Variants in TACC2 observed in about 807,000 individuals in gnomAD.
TACC2 encodes the protein transforming acidic coiled-coil-containing protein 2.
Under a neutral mutation model 227.3 loss-of-function variants are expected in TACC2, and 137 were observed. The ratio of observed to expected loss-of-function variants is 0.60; its 90% CI spans 0.52 to 0.69. The LOEUF is 0.69. Among genes scored for constraint, TACC2 ranks in the 30% least tolerant of loss-of-function variants. TACC2 has a pLI of 0.00. For missense variants in TACC2, 3,470 were observed against 3,694.4 expected, an observed-to-expected ratio of 0.94 and a Z score of 1.57; for synonymous variants, 1,523 against 1,487.5, an observed-to-expected ratio of 1.02 and a Z score of -0.55.
At chr10:122,065,948 A>G (rs1426624931) in intron 3 of TACC2, among the ~76,000 whole-genome samples, 2 of 152,204 alleles carry the variant, frequency 1.3e-5, no homozygotes, top group Non-Finnish European at 2.9e-5. Flanking sequence ...TAATATAGAC[A>G]CAACAGCCTG....
rs745566133 is a variant in TACC2 at position 122,216,776 on chromosome 10, C to G, written c.7494C>G (p.Pro2498=). 3 of 1,614,012 alleles carry G rather than the reference C, an allele frequency of 1.9e-6. No homozygotes were observed. The highest frequency in any genetic ancestry group is 2.5e-6 in the Non-Finnish European group (3 of 1,180,034). The change falls in exon 11 of 23, where the codon CCC becomes CCG. Residue 2498 remains proline, a synonymous_variant. Coordinates refer to ENST00000369005, the MANE Select transcript of TACC2 (RefSeq NM_206862.4). ...LEADKQDYPQ[P]SDLSTFVNET... ...CTGACAAACAGGACTACCCGCAGCC[C>G]TCGGACCTGTCCACCTTTGTAAACG...
At chr10:122,217,751 A>T (rs1403513452) in intron 11 of TACC2, among the ~76,000 whole-genome samples, 1 of 151,416 alleles carries the variant, frequency 6.6e-6, no homozygotes, top group East Asian at 2.0e-4. Flanking sequence ...TTTTGATAGG[A>T]AAACCTTTTT....
At chr10:121,995,856 C>T (rs958074620) in intron 1 of TACC2, among the ~76,000 whole-genome samples, 4 of 152,058 alleles carry the variant, frequency 2.6e-5, no homozygotes, top group Admixed American at 1.3e-4. Context: ...TGGGTTCAAG[C>T]GATTCTCCTG....
intron 6 of TACC2, among the ~76,000 whole-genome samples, chr10:122,140,585 A>G (rs987589222): frequency 3.3e-5 from 5 of 152,198 alleles, no homozygotes; most frequent in South Asian, 2.1e-4. Context: ...TGCGGACCCC[A>G]TATCAGTGCC....
chr10:122,187,975 G>A (rs1237311837), intron 7 of TACC2, among the ~76,000 whole-genome samples: 1 of 152,110 alleles, frequency 6.6e-6, no homozygotes, highest in Non-Finnish European at 1.5e-5. Flanking sequence ...GCATCCTGTA[G>A]TAGACTATGG....
intron 3 of TACC2, among the ~76,000 whole-genome samples, chr10:122,071,438 C>T (rs530074755): frequency 6.6e-6 from 1 of 152,190 alleles, no homozygotes; most frequent in East Asian, 1.9e-4. Context: ...TTTAGGACCC[C>T]AGGAGAGGGT....
At chr10:122,242,130 C>A (rs2096009882) in intron 19 of TACC2, 129 bp downstream of exon 19, 2 of 858,220 alleles carry the variant, frequency 2.3e-6, no homozygotes, top group South Asian at 2.8e-5. Flanking sequence ...AGGACCAGAG[C>A]ATTCCAGAAA....
chr10:122,054,568 T>C (rs1255490788), intron 3 of TACC2, among the ~76,000 whole-genome samples: 1 of 152,226 alleles, frequency 6.6e-6, no homozygotes, highest in Non-Finnish European at 1.5e-5. Context: ...TATTAGGTTG[T>C]ACCAGAGGAA....
intron 7 of TACC2, among the ~76,000 whole-genome samples, chr10:122,147,317 G>A (rs2091497153): frequency 6.6e-6 from 1 of 152,084 alleles, no homozygotes; most frequent in South Asian, 2.1e-4. Flanking sequence ...GCTAATTTTT[G>A]TATTTTTAGT....
intron 2 of TACC2, among the ~76,000 whole-genome samples, chr10:122,045,987 A>G (rs1426348077): frequency 1.3e-5 from 2 of 150,892 alleles, no homozygotes; most frequent in Non-Finnish European, 1.5e-5. Flanking sequence ...GCCTGCCAAC[A>G]TGGTGAGACC....
intron 6 of TACC2, among the ~76,000 whole-genome samples, chr10:122,134,502 T>C (rs566461907): frequency 2.0e-5 from 3 of 152,296 alleles, no homozygotes; most frequent in African/African-American, 4.8e-5. Flanking sequence ...TTTTTACTTT[T>C]GTGTGACTTT....
intron 6 of TACC2, among the ~76,000 whole-genome samples, chr10:122,136,606 G>A (rs1334347525): frequency 2.0e-5 from 3 of 151,380 alleles, no homozygotes; most frequent in Admixed American, 6.6e-5. Flanking sequence ...AGGCTGGAGT[G>A]CAGTGGCACA....
chr10:122,002,339 A>G (rs1954484623), intron 1 of TACC2, among the ~76,000 whole-genome samples: 1 of 152,122 alleles, frequency 6.6e-6, no homozygotes, highest in Non-Finnish European at 1.5e-5. Flanking sequence ...GCAGTATGGT[A>G]TATTATTTTC....
chr10:122,086,846 A>G lies in TACC2; in HGVS notation c.4346A>G (p.Glu1449Gly), dbSNP rs2080145690. ...GKDLTRPLGP[E>G]KLLDGPPGVD... ...GACCTCACCAGGCCATTGGGCCCAG[A>G]GAAGCTTCTAGATGGGCCTCCAGGA... The change falls in exon 4 of 23, where the codon GAG becomes GGG. Residue 1449 changes from glutamate (E) to glycine (G), a missense_variant. Glu to Gly is a moderately conservative substitution (Grantham distance 98). Transcript: ENST00000369005. The G allele has an allele frequency of 1.9e-6, 3 of 1,613,946 alleles. No homozygotes were observed. The highest frequency in any genetic ancestry group is 2.5e-6 in the Non-Finnish European group (3 of 1,179,990).
At chr10:122,060,463 C>A (rs1443454420) in intron 3 of TACC2, among the ~76,000 whole-genome samples, 1 of 152,210 alleles carries the variant, frequency 6.6e-6, no homozygotes. Context: ...CAAGAAAGTT[C>A]AATACCACAG....
At chr10:122,162,838 A>G (rs1046568193) in intron 7 of TACC2, among the ~76,000 whole-genome samples, 1 of 152,040 alleles carries the variant, frequency 6.6e-6, no homozygotes, top group Non-Finnish European at 1.5e-5. Context: ...TGTCACGGAG[A>G]ACTGCCTTTG....
chr10:122,237,699 G>A (rs113451592), intron 17 of TACC2, among the ~76,000 whole-genome samples, 161 bp downstream of exon 17: 79 of 152,368 alleles, frequency 5.2e-4, no homozygotes, highest in African/African-American at 1.5e-3. Flanking sequence ...AGACGCTATC[G>A]TGTAATGGGC....
At chr10:122,241,437 G>T (rs1056358003) in intron 18 of TACC2, among the ~76,000 whole-genome samples, 2 of 152,084 alleles carry the variant, frequency 1.3e-5, no homozygotes, top group Admixed American at 1.3e-4. Flanking sequence ...GATCACAGAC[G>T]CAGACCACCA....
In TACC2 at chr10:122,086,763, C is replaced by T. The variant is rs755571334; in HGVS notation, c.4263C>T (p.Leu1421=). The change falls in exon 4 of 23, where the codon CTC becomes CTT. Residue 1421 remains leucine (L), a synonymous_variant. Coordinates refer to ENST00000369005, the MANE Select transcript of TACC2 (RefSeq NM_206862.4). ...HIAKIFEKPV[L]GALATPGEKA... ...CCAAGATCTTCGAGAAGCCTGTGCT[C>T]GGAGCCCTGGCCACACCTGGAGAAA... 3.4e-5 allele frequency: 55 copies of T among 1,613,794 alleles called. No individual in the cohort carries two copies. The highest frequency in any genetic ancestry group is 1.3e-4 in the African/African-American group (10 of 74,900).
Sources: gnomAD v4.1 joint callset for allele counts (sites outside exome capture counted in the v4.1 genomes callset) on GRCh38, gnomAD v4.1.1 for gene constraint, MANE v1.5 for transcripts, NCBI Gene and HGNC (gene_info 2026-07-23, HGNC 2026-07-21) for gene names.